SIPA1L3: variants seen among roughly 807,000 people sequenced by gnomAD.
The protein encoded by SIPA1L3 is signal induced proliferation associated 1 like 3, also known as signal-induced proliferation-associated 1-like protein 3.
Under a neutral mutation model 150.1 loss-of-function variants are expected in SIPA1L3, and 59 were observed. The ratio of observed to expected loss-of-function variants is 0.39; its 90% CI spans 0.32 to 0.49. The LOEUF is 0.49. Ranked by LOEUF, SIPA1L3 falls within the 20% of genes least tolerant of loss-of-function variation. The pLI is 0.86. For synonymous variants in SIPA1L3, 1,070 were observed against 1,077.6 expected (o/e 0.99, Z 0.14); for missense variants, 2,211 against 2,489.5 (o/e 0.89, Z 2.38).
chr19:37,957,510 A>T (rs1415393171), intron 1 of SIPA1L3, among the ~76,000 whole-genome samples: 1 of 149,756 alleles, frequency 6.7e-6, no homozygotes, highest in Non-Finnish European at 1.5e-5. Flanking sequence ...ATTTATTCTT[A>T]TGTATTTTTT....
chr19:38,201,809 G>A (rs910378662), intron 19 of SIPA1L3, 53 bp from the exon 20 acceptor site: 46 of 1,543,292 alleles, frequency 3.0e-5, no homozygotes, highest in African/African-American at 2.5e-4. Flanking sequence ...CGTCTGTTGC[G>A]GGAGAAGCCG....
chr19:37,982,646 T>C (rs1967231155), intron 1 of SIPA1L3, among the ~76,000 whole-genome samples: 1 of 152,210 alleles, frequency 6.6e-6, no homozygotes, highest in Non-Finnish European at 1.5e-5. Context: ...TGTAAATGGC[T>C]CCAGCTTTTG....
At chr19:37,967,005 A>G (rs879714941) in intron 1 of SIPA1L3, among the ~76,000 whole-genome samples, 5 of 152,136 alleles carry the variant, frequency 3.3e-5, no homozygotes, top group Non-Finnish European at 5.9e-5. Context: ...ACACCCCGGT[A>G]GCCTAAACAA....
chr19:38,198,699 GCGT>G (rs1973021682), intron 19 of SIPA1L3, among the ~76,000 whole-genome samples, 167 bp downstream of exon 19: 3 of 152,258 alleles, frequency 2.0e-5, no homozygotes, highest in African/African-American at 7.2e-5. Context: ...CCCCGGGCAA[GCGT>G]CGTCATCTCT....
In SIPA1L3 at chr19:38,083,008, G is replaced by A; in HGVS notation, c.1443G>A (p.Glu481=). The change falls in exon 3 of 22, where the codon GAG becomes GAA. Residue 481 remains glutamate, a synonymous_variant. Coordinates refer to ENST00000222345, the MANE Select transcript of SIPA1L3 (RefSeq NM_015073.3). The part of the protein sequence containing the change: ...ASISVLEVPK[E]QQRTQSRPRQ... ...TCTCGGTGTTGGAAGTTCCCAAGGAGCAGCAGCGGACGCAGAGTCGGCCCC... is the reference window on the plus strand; with the variant it reads ...TCTCGGTGTTGGAAGTTCCCAAGGAACAGCAGCGGACGCAGAGTCGGCCCC... The A allele has an allele frequency of 6.2e-7, 1 of 1,613,294 alleles. No individual in the cohort carries two copies.
chr19:38,198,250 A>G, intron 18 of SIPA1L3, 139 bp from the exon 19 acceptor site: 1 of 1,003,528 alleles, frequency 1.0e-6, no homozygotes, highest in Non-Finnish European at 1.4e-6. Context: ...TGTAGGCTCC[A>G]GCACTCCCAG....
At chr19:37,978,460 A>T (rs1218279557) in intron 1 of SIPA1L3, among the ~76,000 whole-genome samples, 2 of 152,208 alleles carry the variant, frequency 1.3e-5, no homozygotes, top group Admixed American at 1.3e-4. Flanking sequence ...ACAATGGCCC[A>T]TGAAGCCAGT....
rs772284543 is a variant in SIPA1L3, at chr19:38,164,536, A to G, written c.3838A>G (p.Ser1280Gly). 1.9e-6 allele frequency: 3 copies of G among 1,614,018 alleles called. No individual in the cohort carries two copies. The highest frequency in any genetic ancestry group is 1.7e-6 in the Non-Finnish European group (2 of 1,179,930). ...SSNTLSSNAS[S>G]SHSDDRWFDP... The stretch of plus-strand genomic sequence containing the variant: ...CAACACCCTCTCCAGCAACGCATCC[A>G]GCAGCCACAGCGACGACCGCTGGTT... The change falls in exon 15 of 22, where the codon AGC becomes GGC. Residue 1280 changes from serine (S) to glycine (G), a missense_variant. By Grantham distance (56) the Ser-to-Gly change is moderately conservative. Coordinates refer to ENST00000222345, the MANE Select transcript of SIPA1L3 (RefSeq NM_015073.3). This position sits in a 1 kb window ranked among gnomAD's most constrained non-coding sequence, Gnocchi z 4.1.
At chr19:37,924,823 C>T (rs2046488304) in intron 1 of SIPA1L3, among the ~76,000 whole-genome samples, 1 of 151,902 alleles carries the variant, frequency 6.6e-6, no homozygotes, top group African/African-American at 2.4e-5. Flanking sequence ...CTGAAGTGGG[C>T]GGATCACCTG....
chr19:37,918,067 C>T (rs2046427787), intron 1 of SIPA1L3, among the ~76,000 whole-genome samples: 2 of 152,054 alleles, frequency 1.3e-5, no homozygotes, highest in South Asian at 4.2e-4. Context: ...TGTCGGTGTG[C>T]TGGTTTGAGA....
chr19:38,025,909 A>C (rs1314143344), intron 1 of SIPA1L3, among the ~76,000 whole-genome samples: 1 of 152,064 alleles, frequency 6.6e-6, no homozygotes, highest in Non-Finnish European at 1.5e-5. Context: ...GTTTTTCTGT[A>C]TTTGCTGTTT....
intron 16 of SIPA1L3, among the ~76,000 whole-genome samples, chr19:38,187,715 C>CAAAAAAAAAAAAAAAAAAA (rs34187992): frequency 1.7e-5 from 1 of 59,532 alleles, no homozygotes; most frequent in Non-Finnish European, 2.9e-5. Context: ...GACTCCGTCT[C>CAAAAAAAAAAAAAAAAAAA]AAAAAAAAAA....
intron 1 of SIPA1L3, among the ~76,000 whole-genome samples, chr19:37,917,256 C>T (rs768961773): frequency 2.6e-5 from 4 of 152,166 alleles, no homozygotes; most frequent in Non-Finnish European, 4.4e-5. Context: ...ATGGCTACCA[C>T]ATCGGACAGC....
At chr19:37,976,530 C>T (rs962615264) in intron 1 of SIPA1L3, among the ~76,000 whole-genome samples, 5 of 152,192 alleles carry the variant, frequency 3.3e-5, no homozygotes, top group South Asian at 2.1e-4. Context: ...CTAAAAGGGT[C>T]GAGCAGCTCT....
At chr19:38,091,773 A>G (rs1340304318) in intron 4 of SIPA1L3, among the ~76,000 whole-genome samples, 2 of 152,186 alleles carry the variant, frequency 1.3e-5, no homozygotes, top group Admixed American at 1.3e-4. Context: ...TGAAAATACA[A>G]TAGGCGGGGC....
chr19:38,189,124 C>G (rs1259967956), intron 16 of SIPA1L3, among the ~76,000 whole-genome samples: 2 of 151,228 alleles, frequency 1.3e-5, no homozygotes, highest in Non-Finnish European at 2.9e-5. Context: ...CTCACTTGCT[C>G]TTGCTCTTCA....
rs753020219 is a variant in SIPA1L3, at chr19:38,112,090, CACACACCT to C, written c.2291+1710_2291+1717del. 2.0e-3 allele frequency among the ~76,000 whole-genome samples: 237 copies of C among 118,310 alleles called. 2 individuals carry two copies. Among genetic ancestry groups the C allele is most frequent in the South Asian group, 3.5e-3 (13 of 3,768 alleles). 77.6% of individuals were successfully genotyped at this position (118,310 alleles called of 152,430 possible). On this transcript the variant is annotated intron_variant, in intron 8 of 21. Coordinates refer to ENST00000222345, the MANE Select transcript of SIPA1L3 (RefSeq NM_015073.3). ...TGCACACACCATGCGTCCGCACATG[CACACACCT>C]ACATGCACACACATACATGCACACA...
At chr19:37,910,389 C>T (rs900301304) in intron 1 of SIPA1L3, among the ~76,000 whole-genome samples, 7 of 151,806 alleles carry the variant, frequency 4.6e-5, no homozygotes, top group South Asian at 2.1e-4. Context: ...GGCAACATGG[C>T]GAAACCCCAT....
chr19:38,139,932 G>A (rs1971532697), intron 10 of SIPA1L3, among the ~76,000 whole-genome samples: 1 of 152,164 alleles, frequency 6.6e-6, no homozygotes, highest in Admixed American at 6.5e-5. Flanking sequence ...TTCTATAGTG[G>A]CATTCATCCA....
Sources: allele counts gnomAD v4.1 joint callset (sites outside exome capture counted in the v4.1 genomes callset), GRCh38; gene constraint gnomAD v4.1.1; non-coding constraint Gnocchi (gnomAD v3.1); transcripts MANE v1.5; gene names NCBI Gene and HGNC (gene_info 2026-07-23, HGNC 2026-07-21).